The following LRRC37A variants were observed in gnomAD, a reference collection of about 807,000 sequenced individuals.
LRRC37A encodes the protein leucine rich repeat containing 37A.
In LRRC37A, 3 loss-of-function variants were observed where a neutral mutation model predicts 35.4. The ratio of observed to expected loss-of-function variants is 0.08; its 90% CI spans 0.04 to 0.22. The LOEUF is 0.22. Ranked by LOEUF, LRRC37A falls within the 10% of genes least tolerant of loss-of-function variation. The pLI, the probability that LRRC37A is intolerant of heterozygous loss-of-function variation, is 1.00. For synonymous variants in LRRC37A, 23 were observed against 215.0 expected (o/e 0.11, Z 7.81); for missense variants, 67 against 565.3 (o/e 0.12, Z 8.94).
the LRRC37A span, among the ~76,000 whole-genome samples, chr17:46,255,720 G>A: frequency 6.7e-6 from 1 of 150,354 alleles, no homozygotes; most frequent in Non-Finnish European, 1.5e-5. Context: ...CTGTCACCCA[G>A]GCTGGAGTGC....
At chr17:46,311,592 T>C (rs1304996344) in intron 5 of LRRC37A, among the ~76,000 whole-genome samples, 5 of 90,122 alleles carry the variant, frequency 5.5e-5, no homozygotes, top group Non-Finnish European at 1.1e-4. Context: ...TATCTGGACC[T>C]GTACAGAAGA....
chr17:46,267,893 C>CTTTTT, the LRRC37A span, among the ~76,000 whole-genome samples: 3 of 89,282 alleles, frequency 3.4e-5, no homozygotes, highest in Non-Finnish European at 5.9e-5. Flanking sequence ...ACTCCCACAT[C>CTTTTT]TTTTTTTTTT....
At chr17:46,279,192 T>C in the LRRC37A span, among the ~76,000 whole-genome samples, 11 of 150,630 alleles carry the variant, frequency 7.3e-5, no homozygotes, top group African/African-American at 1.2e-4. Flanking sequence ...TTCTTTTTTT[T>C]TTTTTTTTTG....
At chr17:46,266,767 G>C in the LRRC37A span, among the ~76,000 whole-genome samples, 1 of 152,048 alleles carries the variant, frequency 6.6e-6, no homozygotes, top group Non-Finnish European at 1.5e-5. Context: ...CCAGGCCTCA[G>C]CCGCCGGCCG....
chr17:46,271,018 G>GTATCACATCT, the LRRC37A span, among the ~76,000 whole-genome samples: 5 of 152,270 alleles, frequency 3.3e-5, no homozygotes, highest in African/African-American at 9.6e-5. Flanking sequence ...CAAGTATCTA[G>GTATCACATCT]AAATACCTTA....
chr17:46,278,041 G>A, the LRRC37A span, among the ~76,000 whole-genome samples: 1 of 152,052 alleles, frequency 6.6e-6, no homozygotes, highest in Non-Finnish European at 1.5e-5. Flanking sequence ...CGCCTCCCAC[G>A]TTCAAGTGAT....
At chr17:46,304,908 G>A (rs1268736677) in intron 3 of LRRC37A, among the ~76,000 whole-genome samples, 2 of 68,198 alleles carry the variant, frequency 2.9e-5, no homozygotes, top group Admixed American at 1.7e-4. Context: ...TCGCTCTGTC[G>A]CCCAGGCTGG....
At chr17:46,301,547 A>AT (rs2050358020) in intron 2 of LRRC37A, among the ~76,000 whole-genome samples, 1 of 28,716 alleles carries the variant, frequency 3.5e-5, no homozygotes, top group African/African-American at 7.6e-5. Context: ...TGCTTTATTT[A>AT]TTTTTTCAGA....
the LRRC37A span, among the ~76,000 whole-genome samples, chr17:46,250,840 CTCCTTG>C: frequency 1.3e-5 from 2 of 152,198 alleles, no homozygotes; most frequent in African/African-American, 2.4e-5. Context: ...TCTTCTCCTT[CTCCTTG>C]TCCTTCTCTT....
upstream of LRRC37A, among the ~76,000 whole-genome samples, chr17:46,289,318 C>G (rs1436413877): frequency 1.3e-5 from 2 of 152,202 alleles, no homozygotes; most frequent in African/African-American, 4.8e-5. Context: ...CAAATAGCTA[C>G]AGGTGCTCAC....
the LRRC37A span, among the ~76,000 whole-genome samples, chr17:46,285,951 G>C: frequency 6.6e-6 from 1 of 152,236 alleles, no homozygotes; most frequent in Non-Finnish European, 1.5e-5. Flanking sequence ...CTCTGTTAGT[G>C]GTGTGAGCAC....
At chr17:46,251,665 C>T in the LRRC37A span, among the ~76,000 whole-genome samples, 1 of 151,306 alleles carries the variant, frequency 6.6e-6, no homozygotes, top group African/African-American at 2.4e-5. Flanking sequence ...GCTTGGTAAA[C>T]AGGGATGGTA....
At chr17:46,262,884 A>G in the LRRC37A span, among the ~76,000 whole-genome samples, 3 of 152,210 alleles carry the variant, frequency 2.0e-5, no homozygotes, top group African/African-American at 7.2e-5. Flanking sequence ...AAATGAAATC[A>G]GCAGCTGATG....
At chr17:46,290,689 G>C (rs2668649), upstream of LRRC37A, among the ~76,000 whole-genome samples, 21,511 of 151,576 alleles carry the variant, frequency 0.14, 1,875 homozygotes, top group Non-Finnish European at 0.21. Context: ...TCAAGTGATC[G>C]TTTCACCTCA....
the LRRC37A span, among the ~76,000 whole-genome samples, chr17:46,261,536 C>T: frequency 4.6e-5 from 7 of 152,088 alleles, no homozygotes; most frequent in African/African-American, 1.4e-4. Context: ...CTCAGCCTCC[C>T]GAGTAGCTGG....
chr17:46,268,677 C>A, the LRRC37A span: 1 of 1,503,134 alleles, frequency 6.7e-7, no homozygotes, highest in East Asian at 2.6e-5. Context: ...AGGTGCAATT[C>A]ATACCCAATG....
chr17:46,304,835 A>C lies in LRRC37A; in HGVS notation c.2754-674A>C, dbSNP rs1221009658. ...AAGTGGCTTAGGAAAACAGACCTAA[A>C]CTAAGAAGGTGTAGAAATGTGAGAC... On this transcript the variant is annotated intron_variant, in intron 3 of 13. Coordinates refer to ENST00000320254, the Ensembl canonical transcript of LRRC37A. Among the ~76,000 whole-genome samples, 2 of 58,986 alleles carry C rather than the reference A, an allele frequency of 3.4e-5. 1 individual carries two copies. Among genetic ancestry groups the C allele is most frequent in the Non-Finnish European group, 1.1e-4 (2 of 18,216 alleles). The allele number at this position is 58,986 out of a possible 152,430, so 38.7% of individuals were successfully genotyped here.
chr17:46,264,197 C>T, the LRRC37A span, among the ~76,000 whole-genome samples: 32 of 143,890 alleles, frequency 2.2e-4, no homozygotes, highest in South Asian at 1.9e-3. Flanking sequence ...TTCTTGAGCT[C>T]AAGTGATCCG....
the LRRC37A span, chr17:46,268,598 G>A: frequency 1.9e-6 from 3 of 1,543,638 alleles, no homozygotes; most frequent in African/African-American, 2.8e-5. Flanking sequence ...TCTGTCCAGG[G>A]GATGGACTGC....
Sources: gnomAD v4.1 joint callset for allele counts (sites outside exome capture counted in the v4.1 genomes callset) on GRCh38, gnomAD v4.1.1 for gene constraint, MANE v1.5 for transcripts, NCBI Gene and HGNC (gene_info 2026-07-23, HGNC 2026-07-21) for gene names.